The following FHIT variants were observed in gnomAD, a reference collection of about 807,000 sequenced individuals.
FHIT encodes the protein fragile histidine triad diadenosine triphosphatase, also known as bis(5'-adenosyl)-triphosphatase.
Under a neutral mutation model 17.9 loss-of-function variants are expected in FHIT, and 19 were observed. That is an observed-to-expected ratio of 1.06 (90% confidence interval 0.74 to 1.56). The LOEUF (loss-of-function observed/expected upper bound fraction) is 1.56, where lower values mean the gene tolerates loss of function less well. Ranked by LOEUF, FHIT falls within the 40% of genes most tolerant of loss-of-function variation. FHIT has a pLI of 0.00. For synonymous variants in FHIT, 81 were observed against 69.7 expected (o/e 1.16, Z -0.81); for missense variants, 248 against 189.2 (o/e 1.31, Z -1.82).
intron 5 of FHIT, among the ~76,000 whole-genome samples, chr3:60,359,608 G>C (rs557341615): frequency 6.6e-5 from 10 of 152,272 alleles, no homozygotes; most frequent in East Asian, 1.9e-4. Context: ...TTCGAATTCT[G>C]TGACAGCCCA....
At chr3:60,940,829 A>T (rs1439210088) in intron 3 of FHIT, among the ~76,000 whole-genome samples, 1 of 152,208 alleles carries the variant, frequency 6.6e-6, no homozygotes, top group Non-Finnish European at 1.5e-5. Context: ...TTTCACTCCA[A>T]TATGTTGTGG....
intron 2 of FHIT, among the ~76,000 whole-genome samples, chr3:61,199,263 C>G (rs968773899): frequency 1.3e-5 from 2 of 152,178 alleles, no homozygotes; most frequent in African/African-American, 4.8e-5. Context: ...AGCACCATAT[C>G]TGTGCCAAAA....
At chr3:60,660,729 C>CTTTTTTTTTTT in intron 4 of FHIT, among the ~76,000 whole-genome samples, 1,633 of 37,158 alleles carry the variant, frequency 0.044, 387 homozygotes, top group Non-Finnish European at 0.064. Context: ...TTATTGTGCT[C>CTTTTTTTTTTT]TTTTTTTTTT....
At chr3:60,991,729 G>A (rs992564899) in intron 3 of FHIT, among the ~76,000 whole-genome samples, 12 of 152,260 alleles carry the variant, frequency 7.9e-5, no homozygotes, top group Non-Finnish European at 1.5e-4. Context: ...AAAATTAAAT[G>A]AGATATAACA....
chr3:59,895,903 C>A (rs1704047682), intron 8 of FHIT, among the ~76,000 whole-genome samples: 1 of 150,206 alleles, frequency 6.7e-6, no homozygotes, highest in Non-Finnish European at 1.5e-5. Flanking sequence ...CCTATTTAAC[C>A]AAATTGTCCA....
At position 60,620,496 on chromosome 3, in the gene FHIT, A is replaced by G. The variant is rs537285973; in HGVS notation, c.-17-83517T>C. Reference sequence around the variant, plus strand: ...ATGAGCTGTTGAGCCACAGAAAGACATGGAGTTACTTTACAGGCATACTGC... The same window carrying G: ...ATGAGCTGTTGAGCCACAGAAAGACGTGGAGTTACTTTACAGGCATACTGC... On this transcript the variant is annotated intron_variant, in intron 4 of 9. Coordinates refer to ENST00000492590, the MANE Select transcript of FHIT (RefSeq NM_002012.4). Among the ~76,000 whole-genome samples the G allele has an allele frequency of 2.0e-5, 3 of 152,224 alleles. No individual in the cohort carries two copies. In the East Asian group the frequency reaches 5.8e-4, roughly 29 times the overall value.
chr3:60,008,592 C>A (rs1266354529), intron 7 of FHIT, among the ~76,000 whole-genome samples: 3 of 152,124 alleles, frequency 2.0e-5, no homozygotes, highest in African/African-American at 4.8e-5. Context: ...ATTGCTATTA[C>A]CACTCAGCAT....
intron 5 of FHIT, among the ~76,000 whole-genome samples, chr3:60,155,560 G>C (rs1011230605): frequency 1.3e-5 from 2 of 152,138 alleles, no homozygotes; most frequent in Admixed American, 6.6e-5. Context: ...TGGTTGGGTG[G>C]TCAATTGCAA....
intron 1 of FHIT, among the ~76,000 whole-genome samples, chr3:61,250,077 A>T (rs115201915): frequency 6.6e-6 from 1 of 152,166 alleles, no homozygotes; most frequent in Non-Finnish European, 1.5e-5. Flanking sequence ...GCAGGTCCAC[A>T]TGGGAGTTGT....
intron 3 of FHIT, among the ~76,000 whole-genome samples, chr3:60,881,027 C>T (rs1360810975): frequency 6.6e-6 from 1 of 152,066 alleles, no homozygotes; most frequent in Non-Finnish European, 1.5e-5. Context: ...AAACATGATC[C>T]AACTATATGC....
At chr3:60,146,256 A>AAG (rs948353505) in intron 5 of FHIT, among the ~76,000 whole-genome samples, 1 of 150,670 alleles carries the variant, frequency 6.6e-6, no homozygotes, top group South Asian at 2.1e-4. Flanking sequence ...ATTTAAAAAA[A>AAG]AAAAGGGCAG....
chr3:61,139,865 T>A (rs1396959531), intron 2 of FHIT, among the ~76,000 whole-genome samples: 2 of 152,092 alleles, frequency 1.3e-5, no homozygotes, highest in Admixed American at 6.6e-5. Flanking sequence ...CTGAGCACAG[T>A]CATTTGAAAG....
At chr3:60,017,201 A>T (rs1700375230) in intron 5 of FHIT, among the ~76,000 whole-genome samples, 1 of 152,172 alleles carries the variant, frequency 6.6e-6, no homozygotes, top group African/African-American at 2.4e-5. Flanking sequence ...CATTAAATAG[A>T]AGGCTATGAT....
At chr3:60,927,744 C>T (rs879967733) in intron 3 of FHIT, among the ~76,000 whole-genome samples, 12 of 150,872 alleles carry the variant, frequency 8.0e-5, no homozygotes, top group South Asian at 2.1e-4. Flanking sequence ...TGCCCCCACC[C>T]GGCAGCCGCC....
intron 2 of FHIT, among the ~76,000 whole-genome samples, chr3:61,055,449 G>A (rs2034183303): frequency 6.6e-6 from 1 of 152,202 alleles, no homozygotes; most frequent in Admixed American, 6.5e-5. Context: ...GTTAGTCATA[G>A]AGAATTCAGT....
At chr3:60,088,087 T>G (rs915354836) in intron 5 of FHIT, among the ~76,000 whole-genome samples, 3 of 152,198 alleles carry the variant, frequency 2.0e-5, no homozygotes, top group Non-Finnish European at 4.4e-5. Flanking sequence ...TATGAGCTTA[T>G]GTATGGAGAG....
intron 7 of FHIT, among the ~76,000 whole-genome samples, chr3:59,951,596 G>A (rs533928459): frequency 6.6e-6 from 1 of 152,078 alleles, no homozygotes; most frequent in Non-Finnish European, 1.5e-5. Context: ...GTCCTGGTAA[G>A]AGATCATCAG....
intron 5 of FHIT, among the ~76,000 whole-genome samples, chr3:60,318,868 G>C (rs918398897): frequency 6.6e-6 from 1 of 152,152 alleles, no homozygotes; most frequent in Non-Finnish European, 1.5e-5. Flanking sequence ...ATTCTTTCTA[G>C]AGATTCGGAA....
chr3:61,019,240 T>C (rs2032275930), intron 3 of FHIT, among the ~76,000 whole-genome samples: 1 of 152,238 alleles, frequency 6.6e-6, no homozygotes. Flanking sequence ...TTATGAAATA[T>C]ATTAGAGATT....
Sources: allele counts gnomAD v4.1 joint callset (sites outside exome capture counted in the v4.1 genomes callset), GRCh38; gene constraint gnomAD v4.1.1; transcripts MANE v1.5; gene names NCBI Gene and HGNC (gene_info 2026-07-23, HGNC 2026-07-21).